TDRD15: variants seen among roughly 807,000 people sequenced by gnomAD.
TDRD15 encodes the protein tudor domain containing 15.
For missense variants in TDRD15, 1,416 were observed against 904.7 expected, an observed-to-expected ratio of 1.57 and a Z score of -7.25; for synonymous variants, 503 against 314.5, an observed-to-expected ratio of 1.60 and a Z score of -6.34.
chr2:21,139,805 G>A lies in TDRD15; in HGVS notation c.2338G>A (p.Glu780Lys), dbSNP rs571391860. Residue 780 changes from glutamate (E) to lysine (K), a missense_variant, in exon 4 of 4, where the codon GAA (glutamate) becomes AAA (lysine). Transcript: ENST00000405799. ...DFSCQLQCKS[E>K]DLKLLMEQIQ... ...TTCATGCCAGCTCCAATGTAAGTCA[G>A]AAGACCTAAAATTACTAATGGAGCA... The A allele has an allele frequency of 1.9e-3, 1,383 of 715,388 alleles. 29 individuals carry two copies. In the South Asian group the frequency reaches 0.02, roughly 10 times the overall value. The allele number at this position is 715,388 out of a possible 1,614,324, so 44.3% of individuals were successfully genotyped here. A position where few individuals can be genotyped will look rare whatever the true frequency, so the allele number is the denominator to read the frequency against.
chr2:21,126,687 A>G (rs1665605335), intron 1 of TDRD15, among the ~76,000 whole-genome samples: 1 of 152,152 alleles, frequency 6.6e-6, no homozygotes, highest in South Asian at 2.1e-4. Flanking sequence ...ATGCGTTACG[A>G]CTATTGTATT....
chr2:21,142,478 G>T lies in TDRD15; in HGVS notation c.5011G>T (p.Asp1671Tyr), dbSNP rs1212453835. ...AAATATTCTTTTCCTGAAATATTTAGATGCTGTTTGGGAAGTAGAAATTTT... is the reference window on the plus strand; with the variant it reads ...AAATATTCTTTTCCTGAAATATTTATATGCTGTTTGGGAAGTAGAAATTTT... ...EINILFLKYL[D>Y]AVWEVEILVD... is the part of the protein sequence containing the mutation. Residue 1671 changes from aspartate to tyrosine, a missense_variant, in exon 4 of 4, where the codon GAT becomes TAT. Transcript: ENST00000405799. 1 of 705,084 alleles carries T rather than the reference G, an allele frequency of 1.4e-6. No homozygotes were observed. The highest frequency in any genetic ancestry group is 1.8e-5 in the African/African-American group (1 of 56,702). 43.7% of individuals were successfully genotyped at this position (705,084 alleles called of 1,614,324 possible).
intron 3 of TDRD15, among the ~76,000 whole-genome samples, chr2:21,137,006 A>G (rs1387222163): frequency 6.6e-6 from 1 of 152,028 alleles, no homozygotes; most frequent in Non-Finnish European, 1.5e-5. Context: ...TTGGTTCACC[A>G]TCTGCCCTTC....
At chr2:21,132,864 C>G (rs1437220046) in intron 2 of TDRD15, among the ~76,000 whole-genome samples, 1 of 152,050 alleles carries the variant, frequency 6.6e-6, no homozygotes, top group Non-Finnish European at 1.5e-5. Flanking sequence ...AGATTCAGAA[C>G]TGTTGACATA....
At chr2:21,125,546 AAG>A (rs1213962320) in intron 1 of TDRD15, among the ~76,000 whole-genome samples, 2 of 151,374 alleles carry the variant, frequency 1.3e-5, no homozygotes, top group Non-Finnish European at 3.0e-5. Flanking sequence ...AAAAGACATA[AAG>A]AGAGTTAGGG....
Position 21,141,395 on chromosome 2 carries a change from T to TTCCA in TDRD15, c.3930_3933dup (p.Ile1312ProfsTer6). The TTCCA allele has an allele frequency of 1.4e-6, 1 of 713,294 alleles. No individual in the cohort carries two copies. Among genetic ancestry groups the TTCCA allele is most frequent in the Non-Finnish European group, 2.6e-6 (1 of 383,242 alleles). 44.2% of individuals were successfully genotyped at this position (713,294 alleles called of 1,614,324 possible). A position where few individuals can be genotyped will look rare whatever the true frequency, so the allele number is the denominator to read the frequency against. On this transcript the variant is annotated frameshift_variant, in exon 4 of 4. Transcript: ENST00000405799. LOFTEE classifies it low-confidence loss of function (END_TRUNC). Reference sequence around the variant, plus strand: ...ATCTAATATCAGTAATCCAGCGAATTTCCATATTCAGCTTGCTGAGAATGA... The same window carrying TTCCA: ...ATCTAATATCAGTAATCCAGCGAATTTCCATCCATATTCAGCTTGCTGAGAATGA...
rs1193932919 is a variant in TDRD15 at position 21,141,350 on chromosome 2, G to A, written c.3883G>A (p.Ala1295Thr). The A allele has an allele frequency of 4.2e-6, 3 of 715,642 alleles. No homozygotes were observed. The African/African-American group carries it at 5.2e-5, about 13-fold the overall frequency. The allele number at this position is 715,642 out of a possible 1,614,324, so 44.3% of individuals were successfully genotyped here. A position where few individuals can be genotyped will look rare whatever the true frequency, so the allele number is the denominator to read the frequency against. ...DLPQPQIYLNAKVKGYVSNIS... is the reference protein window; with the variant it reads ...DLPQPQIYLNTKVKGYVSNIS... ...TCCTCAACCGCAAATTTATTTGAAT[G>A]CCAAAGTTAAAGGGTATGTATCTAA... Residue 1295 changes from alanine to threonine, a missense_variant, in exon 4 of 4, where the codon GCC (alanine) becomes ACC (threonine). By Grantham distance (58) the Ala-to-Thr change is moderately conservative. Coordinates refer to ENST00000405799, the MANE Select transcript of TDRD15 (RefSeq NM_001306137.2).
At chr2:21,132,076 G>A (rs1425340772) in intron 2 of TDRD15, among the ~76,000 whole-genome samples, 5 of 152,146 alleles carry the variant, frequency 3.3e-5, no homozygotes, top group Non-Finnish European at 7.4e-5. Flanking sequence ...AAGTGACGAA[G>A]CAAGCTGTGC....
intron 1 of TDRD15, among the ~76,000 whole-genome samples, chr2:21,124,441 G>GGT (rs1167399863): frequency 2.7e-5 from 4 of 147,720 alleles, no homozygotes; most frequent in South Asian, 2.2e-4. Context: ...CTAATGTCAG[G>GGT]GTGTGTGTGT....
intron 2 of TDRD15, among the ~76,000 whole-genome samples, chr2:21,130,536 C>T (rs1271783798): frequency 2.6e-5 from 4 of 152,166 alleles, no homozygotes; most frequent in Non-Finnish European, 5.9e-5. Flanking sequence ...TGAAGTCGAA[C>T]CATCGTAAGT....
At position 21,139,212 on chromosome 2, in the gene TDRD15, TG is replaced by T. The variant is rs1443571680; in HGVS notation, c.1746del (p.Leu582PhefsTer11). 1.4e-6 allele frequency: 1 copy of T among 715,358 alleles called. No individual in the cohort carries two copies. The highest frequency in any genetic ancestry group is 1.5e-5 in the South Asian group (1 of 67,266). 44.3% of individuals were successfully genotyped at this position (715,358 alleles called of 1,614,324 possible). A position where few individuals can be genotyped will look rare whatever the true frequency, so the allele number is the denominator to read the frequency against. Reference sequence around the variant, plus strand: ...ATACCATTTTTTGATGTAAAAATTTTGCTTCCAGAATTTTGTGAGTTGCCTG... The same window carrying T: ...ATACCATTTTTTGATGTAAAAATTTTCTTCCAGAATTTTGTGAGTTGCCTG... ...DSIPFFDVKI[L>X]LPEFCELPAL... On this transcript the variant is annotated frameshift_variant, in exon 4 of 4. Transcript: ENST00000405799. LOFTEE classifies it low-confidence loss of function (END_TRUNC).
At position 21,143,169 on chromosome 2, in the gene TDRD15, A is replaced by G. The variant is rs1375371637; in HGVS notation, c.5702A>G (p.Asn1901Ser). 5.7e-6 allele frequency: 4 copies of G among 707,948 alleles called. No individual in the cohort carries two copies. The highest frequency in any genetic ancestry group is 1.8e-5 in the African/African-American group (1 of 56,884). The allele number at this position is 707,948 out of a possible 1,614,324, so 43.9% of individuals were successfully genotyped here. The stretch of plus-strand genomic sequence containing the variant: ...GTAGATGTCATTCATGAGAAAAACA[A>G]TTTGGCAGATATATTAGTTGCATCT... ...LKVDVIHEKN[N>S]LADILVASGL... The change falls in exon 4 of 4, where the codon AAT becomes AGT. Residue 1901 changes from asparagine to serine, a missense_variant. Coordinates refer to ENST00000405799, the MANE Select transcript of TDRD15 (RefSeq NM_001306137.2).
intron 1 of TDRD15, among the ~76,000 whole-genome samples, 168 bp from the exon 2 acceptor site, chr2:21,127,429 TATAC>T (rs376218809): frequency 6.6e-5 from 10 of 152,386 alleles, no homozygotes; most frequent in African/African-American, 2.2e-4. Context: ...TGAGAAGTTT[TATAC>T]ATTTAGTTCT....
At chr2:21,144,895 C>T (rs1666007827), downstream of TDRD15, among the ~76,000 whole-genome samples, 1 of 151,946 alleles carries the variant, frequency 6.6e-6, no homozygotes, top group Non-Finnish European at 1.5e-5. Flanking sequence ...TAGACTTACA[C>T]AGACGGTTAT....
chr2:21,126,389 G>A (rs112630506), intron 1 of TDRD15, among the ~76,000 whole-genome samples: 10,388 of 150,646 alleles, frequency 0.069, 1,170 homozygotes, highest in African/African-American at 0.24. Context: ...TCTTTGAGAC[G>A]GAGTTTCCCT....
In TDRD15 at chr2:21,140,703, A is replaced by G. The variant is rs577652439; in HGVS notation, c.3236A>G (p.Lys1079Arg). Residue 1079 changes from lysine (K) to arginine (R), a missense_variant, in exon 4 of 4, where the codon AAG (lysine) becomes AGG (arginine). Coordinates refer to ENST00000405799, the MANE Select transcript of TDRD15 (RefSeq NM_001306137.2). ...ELLFTPMQAI[K>R]CFLSDLRDVD... ...TTGTTTACACCTATGCAAGCTATTA[A>G]GTGTTTTTTGTCAGATCTTAGGGAT... 1 of 713,882 alleles carries G rather than the reference A, an allele frequency of 1.4e-6. No homozygotes were observed. Among genetic ancestry groups the G allele is most frequent in the African/African-American group, 1.8e-5 (1 of 57,140 alleles). The allele number at this position is 713,882 out of a possible 1,614,324, so 44.2% of individuals were successfully genotyped here.
In TDRD15 at chr2:21,137,822, C is replaced by T. The variant is rs573334128; in HGVS notation, c.355C>T (p.Pro119Ser). Reference protein sequence around the residue: ...SACGNLFELPPRVVFGIFANI... With the variant: ...SACGNLFELPSRVVFGIFANI... ...CTGTGGCAATTTATTTGAGCTACCG[C>T]CACGGGTAGTATTTGGTATTTTTGC... The change falls in exon 4 of 4, where the codon CCA becomes TCA. Residue 119 changes from proline (P) to serine (S), a missense_variant. By Grantham distance (74) the Pro-to-Ser change is moderately conservative. Coordinates refer to ENST00000405799, the MANE Select transcript of TDRD15 (RefSeq NM_001306137.2). 1.4e-6 allele frequency: 1 copy of T among 716,366 alleles called. No individual in the cohort carries two copies. The highest frequency in any genetic ancestry group is 2.0e-5 in the Admixed American group (1 of 49,912). The allele number at this position is 716,366 out of a possible 1,614,324, so 44.4% of individuals were successfully genotyped here.
In TDRD15 at chr2:21,141,059, T is replaced by C. The variant is rs771195220; in HGVS notation, c.3592T>C (p.Leu1198=). 6.5e-5 allele frequency: 46 copies of C among 706,594 alleles called. No homozygotes were observed. Among genetic ancestry groups the C allele is most frequent in the East Asian group, 6.4e-4 (24 of 37,250 alleles). 43.8% of individuals were successfully genotyped at this position (706,594 alleles called of 1,614,324 possible). The change falls in exon 4 of 4, where the codon TTG becomes CTG. Residue 1198 remains leucine, a synonymous_variant. Transcript: ENST00000405799. ...VTYSERKIDQ[L]MHPKNIHARF... is the part of the protein sequence containing the mutation. ...ATATTCCGAAAGAAAAATAGACCAA[T>C]TGATGCATCCCAAAAATATACATGC...
rs1183002555 is a variant in TDRD15, at chr2:21,141,068, C to T, written c.3601C>T (p.Pro1201Ser). The T allele has an allele frequency of 4.3e-6, 3 of 704,936 alleles. No individual in the cohort carries two copies. The highest frequency in any genetic ancestry group is 7.9e-6 in the Non-Finnish European group (3 of 381,304). 43.7% of individuals were successfully genotyped at this position (704,936 alleles called of 1,614,324 possible). Residue 1201 changes from proline (P) to serine (S), a missense_variant, in exon 4 of 4, where the codon CCC becomes TCC. Coordinates refer to ENST00000405799, the MANE Select transcript of TDRD15 (RefSeq NM_001306137.2). ...AAGAAAAATAGACCAATTGATGCATCCCAAAAATATACATGCCAGGTTTTT... is the reference window on the plus strand; with the variant it reads ...AAGAAAAATAGACCAATTGATGCATTCCAAAAATATACATGCCAGGTTTTT... Reference protein sequence around the residue: ...SERKIDQLMHPKNIHARFLKP... With the variant: ...SERKIDQLMHSKNIHARFLKP...
Sources: allele counts gnomAD v4.1 joint callset (sites outside exome capture counted in the v4.1 genomes callset), GRCh38; gene constraint gnomAD v4.1.1; transcripts MANE v1.5; gene names NCBI Gene and HGNC (gene_info 2026-07-23, HGNC 2026-07-21).